ETV3L: variants seen among roughly 807,000 people sequenced by gnomAD.
ETV3L encodes the protein ETS translocation variant 3-like protein.
Under a neutral mutation model 27.6 loss-of-function variants are expected in ETV3L, and 30 were observed. The ratio of observed to expected loss-of-function variants is 1.09; its 90% CI spans 0.81 to 1.48. The LOEUF (loss-of-function observed/expected upper bound fraction) is 1.48. Ranked by LOEUF, ETV3L falls within the 40% of genes most tolerant of loss-of-function variation. The probability of loss-of-function intolerance (pLI) is 0.00; values close to 1 mark genes in which losing one functional copy is unlikely to be tolerated. For synonymous variants in ETV3L, 186 were observed against 188.9 expected, an observed-to-expected ratio of 0.98 and a Z score of 0.12; for missense variants, 443 against 455.6, an observed-to-expected ratio of 0.97 and a Z score of 0.25.
In ETV3L at chr1:157,098,784, C is replaced by T. The variant is rs149030440; in HGVS notation, c.408G>A (p.Ala136=). Residue 136 remains alanine, a synonymous_variant, in exon 3 of 5, where the codon GCG becomes GCA. Coordinates refer to ENST00000454449, the MANE Select transcript of ETV3L (RefSeq NM_001004341.2). ...VVNYPLWEVR[A]PPSPHLLLGA... is the part of the protein sequence containing the mutation. ...CCAGCAGCAAGTGGGGGGATGGCGG[C>T]GCCCGCACTTCCCACAAAGGATAGT... 6.4e-5 allele frequency: 103 copies of T among 1,613,996 alleles called. No homozygotes were observed. The highest frequency in any genetic ancestry group is 5.8e-4 in the South Asian group (53 of 91,050).
intron 4 of ETV3L, among the ~76,000 whole-genome samples, chr1:157,096,336 C>CTTT (rs1674218811): frequency 6.6e-6 from 1 of 152,134 alleles, no homozygotes; most frequent in Admixed American, 6.5e-5. Flanking sequence ...CCTATAAGTC[C>CTTT]CATAAAGGCA....
chr1:157,097,470 CAAAA>C (rs150226645), intron 4 of ETV3L, among the ~76,000 whole-genome samples: 2 of 102,896 alleles, frequency 1.9e-5, no homozygotes, highest in African/African-American at 3.9e-5. Flanking sequence ...GACTCCGTCT[CAAAA>C]AAAAAAAAAA....
In ETV3L at chr1:157,099,808, C is replaced by A. The variant is rs1037267311; in HGVS notation, c.-285G>T. Reference sequence around the variant, plus strand: ...CCCCGCTGCCCAGGGCTGACTCGGACTCAGGGCTTCCGGCTGAGCTACTTA... The same window carrying A: ...CCCCGCTGCCCAGGGCTGACTCGGAATCAGGGCTTCCGGCTGAGCTACTTA... On this transcript the variant is annotated 5_prime_UTR_variant, in exon 1 of 5. Transcript: ENST00000454449. The A allele has an allele frequency of 1.1e-4, 61 of 562,116 alleles. No homozygotes were observed. The highest frequency in any genetic ancestry group is 1.7e-4 in the Non-Finnish European group (54 of 317,602). The allele number at this position is 562,116 out of a possible 1,614,324, so 34.8% of individuals were successfully genotyped here.
At chr1:157,096,885 C>T (rs1026140868) in intron 4 of ETV3L, among the ~76,000 whole-genome samples, 2 of 152,174 alleles carry the variant, frequency 1.3e-5, no homozygotes, top group Non-Finnish European at 2.9e-5. Flanking sequence ...TGCCATTGCA[C>T]TCCAGCCTGG....
rs745957498 is a variant in ETV3L, at chr1:157,098,725, G to A, written c.467C>T (p.Pro156Leu). ...TCTTACCTCACTCTGCACACCCACG[G>A]GCACCAGCGCTGGCCGACACAGGGC... ...APALCRPALV[P>L]VGVQSELLHS... is the part of the protein sequence containing the mutation. The change falls in exon 3 of 5, where the codon CCC (proline) becomes CTC (leucine). Residue 156 changes from proline (P) to leucine (L), a missense_variant. Coordinates refer to ENST00000454449, the MANE Select transcript of ETV3L (RefSeq NM_001004341.2). 2 of 1,606,792 alleles carry A rather than the reference G, an allele frequency of 1.2e-6. No individual in the cohort carries two copies. Among genetic ancestry groups the A allele is most frequent in the Non-Finnish European group, 8.5e-7 (1 of 1,176,488 alleles).
intron 3 of ETV3L, 72 bp downstream of exon 3, chr1:157,098,634 G>C: frequency 7.2e-7 from 1 of 1,394,098 alleles, no homozygotes; most frequent in Admixed American, 2.6e-5. Context: ...GCAAAGAGGA[G>C]GGTGGGGAGC....
In ETV3L at chr1:157,099,280, C is replaced by T. The variant is rs1448150480; in HGVS notation, c.157G>A (p.Glu53Lys). Residue 53 changes from glutamate (E) to lysine (K), a missense_variant, in exon 2 of 5, where the codon GAG becomes AAG. By Grantham distance (56) the Glu-to-Lys change is moderately conservative. Transcript: ENST00000454449. ...HFILELLQKE[E>K]FRHVIAWQQG... ...TGCCAGGCGATGACATGGCGGAACT[C>T]TTCCTTCTGCAGCAGCTCCAGGATG... is the stretch of plus-strand genomic sequence containing the variant. The T allele has an allele frequency of 6.2e-7, 1 of 1,614,192 alleles. No individual in the cohort carries two copies. Among genetic ancestry groups the T allele is most frequent in the African/African-American group, 1.3e-5 (1 of 75,068 alleles).
rs1193505320 is a variant in ETV3L, at chr1:157,092,963, C to G, written c.772G>C (p.Glu258Gln). Residue 258 changes from glutamate to glutamine, a missense_variant, in exon 5 of 5, where the codon GAG becomes CAG. Coordinates refer to ENST00000454449, the MANE Select transcript of ETV3L (RefSeq NM_001004341.2). ...TTAAAAGCCCCTGGGAGCTGCTGCTCTGACGGGAGAGGAGGCAAGAAGGGC... is the reference window on the plus strand; with the variant it reads ...TTAAAAGCCCCTGGGAGCTGCTGCTGTGACGGGAGAGGAGGCAAGAAGGGC... ...SGPFLPPLPS[E>Q]QQLPGAFKPD... 7.4e-6 allele frequency: 12 copies of G among 1,613,922 alleles called. No individual in the cohort carries two copies. The highest frequency in any genetic ancestry group is 1.0e-5 in the Non-Finnish European group (12 of 1,179,960).
intron 4 of ETV3L, among the ~76,000 whole-genome samples, chr1:157,095,470 C>T (rs763430976): frequency 3.3e-5 from 5 of 152,062 alleles, no homozygotes; most frequent in African/African-American, 4.8e-5. Flanking sequence ...GTGTGTTTGC[C>T]TGCAGAGGGG....
At chr1:157,099,417 G>A in intron 1 of ETV3L, 39 bp from the exon 2 acceptor site, 1 of 1,613,976 alleles carries the variant, frequency 6.2e-7, no homozygotes, top group Middle Eastern at 1.6e-4. Flanking sequence ...TGGAGGCCCT[G>A]CCCTAGGCCA....
At chr1:157,094,461 G>C (rs533533610) in intron 4 of ETV3L, among the ~76,000 whole-genome samples, 11 of 152,324 alleles carry the variant, frequency 7.2e-5, no homozygotes, top group African/African-American at 2.6e-4. Context: ...TCCCAGCTGG[G>C]GGCCTTGGAG....
chr1:157,097,816 C>A, intron 4 of ETV3L, 52 bp downstream of exon 4: 1 of 1,606,092 alleles, frequency 6.2e-7, no homozygotes, highest in Non-Finnish European at 8.5e-7. Flanking sequence ...CAGGAGGGCC[C>A]TCCCTCCTCT....
chr1:157,092,655 A>G lies in ETV3L; in HGVS notation c.1080T>C (p.Pro360=), dbSNP rs1571678409. 1 of 1,601,950 alleles carries G rather than the reference A, an allele frequency of 6.2e-7. No individual in the cohort carries two copies. The highest frequency in any genetic ancestry group is 1.1e-5 in the South Asian group (1 of 89,048). The change falls in exon 5 of 5, where the codon CCT becomes CCC. Residue 360 remains proline, a synonymous_variant. Coordinates refer to ENST00000454449, the MANE Select transcript of ETV3L (RefSeq NM_001004341.2). Reference sequence around the variant, plus strand: ...TTCCCACCTTCCTCTCTAGTTAAGGAGGATCCAAGGGCCACACTGCTTTGA... The same window carrying G: ...TTCCCACCTTCCTCTCTAGTTAAGGGGGATCCAAGGGCCACACTGCTTTGA... The part of the protein sequence containing the change: ...ENLKAVWPLD[P]P
chr1:157,094,547 A>T (rs1174064985), intron 4 of ETV3L, among the ~76,000 whole-genome samples: 1 of 152,206 alleles, frequency 6.6e-6, no homozygotes, highest in Non-Finnish European at 1.5e-5. Flanking sequence ...TCTTAGCAAG[A>T]CCACATCATT....
chr1:157,097,039 C>T (rs1674237733), intron 4 of ETV3L, among the ~76,000 whole-genome samples: 1 of 152,024 alleles, frequency 6.6e-6, no homozygotes, highest in African/African-American at 2.4e-5. Context: ...GCCTCTGTGG[C>T]CTGACACCTG....
At chr1:157,099,090 C>A (rs908162279) in intron 2 of ETV3L, 51 bp downstream of exon 2, 4 of 1,605,906 alleles carry the variant, frequency 2.5e-6, no homozygotes, top group Non-Finnish European at 3.4e-6. Context: ...AAACCACGGC[C>A]CTTTTCCTTG....
chr1:157,099,047 C>A (rs952650102), intron 2 of ETV3L, 94 bp downstream of exon 2: 10 of 1,552,374 alleles, frequency 6.4e-6, no homozygotes, highest in Non-Finnish European at 7.9e-6. Context: ...ACTTCCCAAG[C>A]CTTGGAGGGG....
intron 2 of ETV3L, 85 bp from the exon 3 acceptor site, chr1:157,098,980 G>T: frequency 6.7e-7 from 1 of 1,495,268 alleles, no homozygotes; most frequent in South Asian, 1.3e-5. Flanking sequence ...CTCCCTAGCC[G>T]GGCTGACCCT....
chr1:157,095,551 C>CTTTTT (rs397939617), intron 4 of ETV3L, among the ~76,000 whole-genome samples: 2 of 140,588 alleles, frequency 1.4e-5, no homozygotes, highest in African/African-American at 5.3e-5. Flanking sequence ...TTCTTTCTTT[C>CTTTTT]TTTTTTTTTT....
Sources: gnomAD v4.1 joint callset for allele counts (sites outside exome capture counted in the v4.1 genomes callset) on GRCh38, gnomAD v4.1.1 for gene constraint, MANE v1.5 for transcripts, NCBI Gene and HGNC (gene_info 2026-07-23, HGNC 2026-07-21) for gene names.